Variants in ANK3 observed in about 807,000 individuals in gnomAD.
ANK3 encodes the protein ankyrin-3.
Under a neutral mutation model 370.9 loss-of-function variants are expected in ANK3, and 57 were observed. The observed-to-expected ratio is 0.15, with a 90% confidence interval of 0.12 to 0.19. ANK3 has a LOEUF of 0.19. Among genes scored for constraint, ANK3 ranks in the 10% least tolerant of loss-of-function variants. The pLI is 1.00. For missense variants in ANK3, 4,439 were observed against 5,302.1 expected (o/e 0.84, Z 5.06); for synonymous variants, 1,929 against 1,946.3 (o/e 0.99, Z 0.23).
At chr10:60,245,488 G>T (rs1026385511) in intron 7 of ANK3, among the ~76,000 whole-genome samples, 1 of 152,072 alleles carries the variant, frequency 6.6e-6, no homozygotes, top group African/African-American at 2.4e-5. Context: ...CATACCATTA[G>T]GTGGTCACTT....
chr10:60,507,808 G>T (rs2075979504), intron 2 of ANK3: 1 of 151,876 alleles, frequency 6.6e-6, no homozygotes, highest in South Asian at 2.1e-4. Flanking sequence ...TTTTTTAAAA[G>T]CTACTTAATA....
Position 60,200,148 on chromosome 10 carries a change from T to C in ANK3, c.1472A>G (p.Gln491Arg). 6.2e-7 allele frequency: 1 copy of C among 1,614,130 alleles called. No homozygotes were observed. Among genetic ancestry groups the C allele is most frequent in the South Asian group, 1.1e-5 (1 of 91,090 alleles). The change falls in exon 13 of 44, where the codon CAG becomes CGG. Residue 491 changes from glutamine to arginine, a missense_variant. Coordinates refer to ENST00000280772, the MANE Select transcript of ANK3 (RefSeq NM_020987.5). ...VVRYLVQDGA[Q>R]VEAKAKDDQT... Reference sequence around the variant, plus strand: ...GCATACCTTAGCTTTAGCTTCTACCTGAGCTCCGTCTTGTACCAGATACCG... The same window carrying C: ...GCATACCTTAGCTTTAGCTTCTACCCGAGCTCCGTCTTGTACCAGATACCG...
intron 7 of ANK3, among the ~76,000 whole-genome samples, chr10:60,247,159 G>A (rs1187104772): frequency 6.6e-6 from 1 of 151,930 alleles, no homozygotes; most frequent in South Asian, 2.1e-4. Flanking sequence ...GGGACTACAG[G>A]TGCCCGCCAC....
At chr10:60,169,596 G>A (rs1439546657) in intron 21 of ANK3, among the ~76,000 whole-genome samples, 1 of 151,878 alleles carries the variant, frequency 6.6e-6, no homozygotes, top group Non-Finnish European at 1.5e-5. Context: ...CTTTGCAAAG[G>A]AATCACTATG....
intron 1 of ANK3, among the ~76,000 whole-genome samples, chr10:60,361,305 T>C (rs1416249441): frequency 6.6e-6 from 1 of 152,204 alleles, no homozygotes; most frequent in African/African-American, 2.4e-5. Flanking sequence ...GGCAATACAA[T>C]AGTATGAGTG....
chr10:60,100,610 T>C (rs1036404205), intron 28 of ANK3, among the ~76,000 whole-genome samples: 1 of 152,236 alleles, frequency 6.6e-6, no homozygotes, highest in East Asian at 1.9e-4. Flanking sequence ...ATCTAAAATG[T>C]ATTATCTTAA....
chr10:60,554,769 A>G (rs1248033571), intron 2 of ANK3, among the ~76,000 whole-genome samples: 1 of 152,216 alleles, frequency 6.6e-6, no homozygotes. Flanking sequence ...AAAATCAATC[A>G]TACATTACCA....
intron 1 of ANK3, among the ~76,000 whole-genome samples, chr10:60,325,664 G>T (rs533147681): frequency 6.6e-6 from 1 of 152,170 alleles, no homozygotes; most frequent in African/African-American, 2.4e-5. Context: ...CTTTGTGAAT[G>T]CTTATACACT....
chr10:60,591,552 A>G (rs1327641063), intron 2 of ANK3, among the ~76,000 whole-genome samples: 1 of 152,100 alleles, frequency 6.6e-6, no homozygotes, highest in Non-Finnish European at 1.5e-5. Context: ...CTACCATATG[A>G]TCCAGCAATC....
chr10:60,395,638 C>CGT (rs2063220996), intron 2 of ANK3, among the ~76,000 whole-genome samples: 1 of 147,832 alleles, frequency 6.8e-6, no homozygotes, highest in African/African-American at 2.5e-5. Context: ...CTCTCTCTCT[C>CGT]TCTCTCTCTC....
At chr10:60,562,407 T>C (rs1214771585) in intron 2 of ANK3, among the ~76,000 whole-genome samples, 1 of 147,560 alleles carries the variant, frequency 6.8e-6, no homozygotes, top group Non-Finnish European at 1.5e-5. Flanking sequence ...AGCATTTGTT[T>C]CGGGGGGGGC....
chr10:60,114,086 C>A, intron 26 of ANK3, 139 bp downstream of exon 26: 1 of 402,754 alleles, frequency 2.5e-6, no homozygotes, highest in Non-Finnish European at 4.4e-6. Flanking sequence ...AAATACATCT[C>A]ACATATACTA....
chr10:60,512,014 T>G (rs911384068), intron 2 of ANK3, among the ~76,000 whole-genome samples: 2 of 152,120 alleles, frequency 1.3e-5, no homozygotes, highest in East Asian at 3.9e-4. Context: ...CAGAGTGTCC[T>G]TCTTCACTGT....
At position 60,153,614 on chromosome 10, in the gene ANK3, G is replaced by A. The variant is rs7073895; in HGVS notation, c.2614+12977C>T. Reference sequence around the variant, plus strand: ...AAGATATCAGAACCTAAATGAAAATGTACATAGCTGGATAAGTGGATAGTG... The same window carrying A: ...AAGATATCAGAACCTAAATGAAAATATACATAGCTGGATAAGTGGATAGTG... On this transcript the variant is annotated intron_variant, in intron 23 of 43. Coordinates refer to ENST00000280772, the MANE Select transcript of ANK3 (RefSeq NM_020987.5). Among the ~76,000 whole-genome samples the A allele has an allele frequency of 2.2e-3, 328 of 152,280 alleles. 3 individuals carry two copies. Among genetic ancestry groups the A allele is most frequent in the African/African-American group, 7.3e-3 (305 of 41,568 alleles).
chr10:60,502,968 C>T (rs964118238), intron 2 of ANK3, among the ~76,000 whole-genome samples: 22 of 151,230 alleles, frequency 1.5e-4, no homozygotes, highest in African/African-American at 4.1e-4. Flanking sequence ...GAAGGAAGGG[C>T]GGGCAAGCAA....
At chr10:60,090,940 G>C (rs948046839) in intron 28 of ANK3, among the ~76,000 whole-genome samples, 2 of 151,900 alleles carry the variant, frequency 1.3e-5, no homozygotes, top group Non-Finnish European at 2.9e-5. Flanking sequence ...GACAGATCTC[G>C]CCGTGTCGCC....
chr10:60,702,651 GGAT>G (rs2133419740), intron 1 of ANK3, among the ~76,000 whole-genome samples: 1 of 152,210 alleles, frequency 6.6e-6, no homozygotes, highest in African/African-American at 2.4e-5. Flanking sequence ...AGCAAATAGT[GGAT>G]ATAAGAGATC....
intron 38 of ANK3, among the ~76,000 whole-genome samples, chr10:60,065,250 C>A (rs1165908681): frequency 2.0e-5 from 3 of 152,162 alleles, no homozygotes; most frequent in South Asian, 2.1e-4. Flanking sequence ...TGGAAAGATA[C>A]ATATGATCTC....
intron 23 of ANK3, among the ~76,000 whole-genome samples, chr10:60,153,495 T>A (rs185732801): frequency 2.2e-4 from 34 of 152,214 alleles, no homozygotes; most frequent in African/African-American, 6.7e-4. Flanking sequence ...AAACTCAGAT[T>A]TTGCCTTGGG....
Sources: allele counts gnomAD v4.1 joint callset (sites outside exome capture counted in the v4.1 genomes callset), GRCh38; gene constraint gnomAD v4.1.1; transcripts MANE v1.5; gene names NCBI Gene and HGNC (gene_info 2026-07-23, HGNC 2026-07-21).